PDE4D: variants seen among roughly 807,000 people sequenced by gnomAD.
PDE4D encodes phosphodiesterase 4D.
Under a neutral mutation model 87.4 loss-of-function variants are expected in PDE4D, and 24 were observed. That is an observed-to-expected ratio of 0.27 (90% CI 0.20 to 0.39). The LOEUF is 0.39. PDE4D is among the 10% of genes least tolerant of loss of function. The probability of loss-of-function intolerance (pLI) is 1.00; values close to 1 mark genes in which losing one functional copy is unlikely to be tolerated. For synonymous variants in PDE4D, 384 were observed against 383.2 expected, an observed-to-expected ratio of 1.00 and a Z score of -0.02; for missense variants, 714 against 1,041.0, an observed-to-expected ratio of 0.69 and a Z score of 4.32.
chr5:59,227,297 C>A (rs1352502877), intron 1 of PDE4D, among the ~76,000 whole-genome samples: 1 of 152,028 alleles, frequency 6.6e-6, no homozygotes, highest in Non-Finnish European at 1.5e-5. Context: ...TGGAAGATAA[C>A]CAAATAAATA....
chr5:60,030,323 A>G (rs985367562), intron 2 of PDE4D, among the ~76,000 whole-genome samples: 14 of 152,102 alleles, frequency 9.2e-5, no homozygotes, highest in African/African-American at 2.4e-4. Context: ...GGTGGCGGGC[A>G]CCTGTAGTCC....
Position 59,599,408 on chromosome 5 carries a change from T to TTTATTTA in PDE4D, c.455+293759_455+293760insTAAATAA, listed in dbSNP as rs528340395. ...GCTATTTTTATTTATTTATTTATTT[T>TTTATTTA]TTTTTTATTTTTAGTAGAGATGGAG... is the stretch of plus-strand genomic sequence containing the variant. On this transcript the variant is annotated intron_variant, in intron 1 of 14. Transcript: ENST00000340635. Among the ~76,000 whole-genome samples, 7 of 151,178 alleles carry TTTATTTA rather than the reference T, an allele frequency of 4.6e-5. No individual in the cohort carries two copies. In the East Asian group the frequency reaches 9.8e-4, roughly 21 times the overall value.
intron 1 of PDE4D, among the ~76,000 whole-genome samples, chr5:59,411,973 C>T (rs1018428796): frequency 1.3e-5 from 2 of 152,152 alleles, no homozygotes; most frequent in Non-Finnish European, 2.9e-5. Flanking sequence ...TATCAATTAT[C>T]GTGCATCTAT....
intron 4 of PDE4D, among the ~76,000 whole-genome samples, chr5:59,182,326 T>C (rs1741849049): frequency 6.6e-6 from 1 of 151,812 alleles, no homozygotes; most frequent in South Asian, 2.1e-4. Context: ...GGTGTGATCA[T>C]AGCTCACTAC....
chr5:59,969,915 G>A (rs1231575497), intron 3 of PDE4D, among the ~76,000 whole-genome samples: 2 of 152,156 alleles, frequency 1.3e-5, no homozygotes, highest in Non-Finnish European at 2.9e-5. Flanking sequence ...AGCAGTGTGA[G>A]AACGGACAAA....
intron 2 of PDE4D, among the ~76,000 whole-genome samples, chr5:60,019,514 A>G (rs1211423851): frequency 1.3e-5 from 2 of 152,192 alleles, no homozygotes; most frequent in East Asian, 1.9e-4. Context: ...GATCAATGGC[A>G]TTAGCTAGGT....
At chr5:58,991,279 AC>A (rs1747853837) in intron 8 of PDE4D, among the ~76,000 whole-genome samples, 1 of 121,284 alleles carries the variant, frequency 8.2e-6, no homozygotes, top group South Asian at 3.0e-4. Flanking sequence ...ACAGGGCGAG[AC>A]TATGTCTCAA....
intron 1 of PDE4D, among the ~76,000 whole-genome samples, chr5:60,304,441 C>T (rs1021114644): frequency 6.6e-6 from 1 of 150,856 alleles, no homozygotes; most frequent in African/African-American, 2.4e-5. Context: ...GTCAGGAGAT[C>T]GAGACCATCC....
chr5:60,013,975 C>T (rs1161104652), intron 2 of PDE4D, among the ~76,000 whole-genome samples: 6 of 151,724 alleles, frequency 4.0e-5, no homozygotes, highest in Non-Finnish European at 5.9e-5. Flanking sequence ...CACCTGTAGT[C>T]CCAGCTACTC....
intron 1 of PDE4D, among the ~76,000 whole-genome samples, chr5:59,783,768 A>G (rs767197075): frequency 1.3e-5 from 2 of 152,234 alleles, no homozygotes; most frequent in Non-Finnish European, 2.9e-5. Context: ...CATTCCATGT[A>G]AAGAACCAGG....
intron 1 of PDE4D, among the ~76,000 whole-genome samples, chr5:59,326,337 C>G (rs1230604373): frequency 1.3e-5 from 2 of 151,890 alleles, no homozygotes; most frequent in African/African-American, 4.8e-5. Flanking sequence ...TACAATCAAA[C>G]TTAAAAATAT....
intron 1 of PDE4D, among the ~76,000 whole-genome samples, chr5:59,342,229 T>C (rs1778849289): frequency 6.6e-6 from 1 of 152,230 alleles, no homozygotes; most frequent in African/African-American, 2.4e-5. Flanking sequence ...AGGAACTTTG[T>C]AAAGATAGTT....
intron 1 of PDE4D, among the ~76,000 whole-genome samples, chr5:59,835,160 A>G (rs1179828871): frequency 1.3e-5 from 2 of 152,094 alleles, no homozygotes; most frequent in Admixed American, 6.6e-5. Flanking sequence ...TGCTGGATAC[A>G]TATTCTTGAG....
At chr5:60,388,526 CT>C (rs1418400023) in intron 1 of PDE4D, among the ~76,000 whole-genome samples, 1 of 152,188 alleles carries the variant, frequency 6.6e-6, no homozygotes, top group East Asian at 1.9e-4. Context: ...TATTGTTCCC[CT>C]CTCTGTGTCC....
chr5:59,727,806 C>T (rs1756820401), intron 1 of PDE4D, among the ~76,000 whole-genome samples: 1 of 152,038 alleles, frequency 6.6e-6, no homozygotes. Context: ...AATTTGAATT[C>T]TCTTTCTCTC....
At chr5:59,756,732 T>C (rs371289892) in intron 1 of PDE4D, among the ~76,000 whole-genome samples, 1 of 152,192 alleles carries the variant, frequency 6.6e-6, no homozygotes, top group East Asian at 1.9e-4. Context: ...AAAACAACTA[T>C]TTATTGAATG....
intron 5 of PDE4D, among the ~76,000 whole-genome samples, chr5:59,137,525 C>CTTTT (rs61134818): frequency 1.1e-4 from 15 of 139,594 alleles, no homozygotes; most frequent in Non-Finnish European, 1.7e-4. Context: ...GGGAAAGTTT[C>CTTTT]TTTTTTTTTT....
At chr5:59,133,318 T>C (rs190599665) in intron 5 of PDE4D, among the ~76,000 whole-genome samples, 103 of 152,290 alleles carry the variant, frequency 6.8e-4, no homozygotes, top group African/African-American at 2.3e-3. Flanking sequence ...TGGATTCAAA[T>C]TTTAACTCTG....
chr5:59,170,156 T>G (rs1782533475), intron 5 of PDE4D, among the ~76,000 whole-genome samples: 1 of 152,160 alleles, frequency 6.6e-6, no homozygotes, highest in Non-Finnish European at 1.5e-5. Flanking sequence ...TAGCTGGGAT[T>G]ACAGGTGTGC....
Sources: allele counts gnomAD v4.1 joint callset (sites outside exome capture counted in the v4.1 genomes callset), GRCh38; gene constraint gnomAD v4.1.1; transcripts MANE v1.5; gene names NCBI Gene and HGNC (gene_info 2026-07-23, HGNC 2026-07-21).